SCARA3: variants seen among roughly 807,000 people sequenced by gnomAD.
SCARA3 encodes the protein cellular stress response gene protein.
Under a neutral mutation model 47.0 loss-of-function variants are expected in SCARA3, and 39 were observed. The ratio of observed to expected loss-of-function variants is 0.83; its 90% confidence interval spans 0.64 to 1.08. The LOEUF is 1.08. SCARA3 is among the 50% of genes least tolerant of loss of function. The pLI, the probability that SCARA3 is intolerant of heterozygous loss-of-function variation, is 0.00. For missense variants in SCARA3, 724 were observed against 792.3 expected (o/e 0.91, Z 1.04); for synonymous variants, 356 against 334.1 (o/e 1.07, Z -0.71).
chr8:27,665,059 C>A (rs505295), intron 5 of SCARA3, among the ~76,000 whole-genome samples: 54,704 of 152,036 alleles, frequency 0.36, 10,685 homozygotes, highest in Middle Eastern at 0.52. Flanking sequence ...GCTGGCAATG[C>A]GGTCTCCACG....
At chr8:27,701,829 C>A in the SCARA3 span, 1 of 154,316 alleles carries the variant, frequency 6.5e-6, no homozygotes, top group African/African-American at 2.4e-5. Flanking sequence ...GGGTGACCAA[C>A]CAACCAAGTA....
chr8:27,663,984 G>A (rs565848672), intron 5 of SCARA3, among the ~76,000 whole-genome samples: 1 of 152,320 alleles, frequency 6.6e-6, no homozygotes, highest in South Asian at 2.1e-4. Flanking sequence ...AAGGCATTGT[G>A]CCTTCTTTTG....
At chr8:27,676,442 C>A (rs1212399707), downstream of SCARA3, 7 of 935,348 alleles carry the variant, frequency 7.5e-6, no homozygotes, top group African/African-American at 3.3e-5. Flanking sequence ...CTCAGCCAGG[C>A]CCCCGACTTC....
chr8:27,666,729 T>C (rs1802022426), intron 5 of SCARA3, among the ~76,000 whole-genome samples: 1 of 152,116 alleles, frequency 6.6e-6, no homozygotes, highest in Non-Finnish European at 1.5e-5. Context: ...GACCATAAGA[T>C]GTACCATGGG....
At chr8:27,660,058 T>C (rs1235062069) in intron 5 of SCARA3, among the ~76,000 whole-genome samples, 4 of 152,034 alleles carry the variant, frequency 2.6e-5, no homozygotes, top group South Asian at 2.1e-4. Context: ...TCCTCTTTTT[T>C]ACTCCCTTCC....
At chr8:27,700,872 G>A in the SCARA3 span, among the ~76,000 whole-genome samples, 3 of 152,136 alleles carry the variant, frequency 2.0e-5, no homozygotes, top group Admixed American at 1.3e-4. Flanking sequence ...GAAAAGTTAG[G>A]TGATTTCCTA....
chr8:27,653,842 G>A (rs1044992357), intron 3 of SCARA3, among the ~76,000 whole-genome samples: 5 of 152,122 alleles, frequency 3.3e-5, no homozygotes, highest in Non-Finnish European at 4.4e-5. Context: ...ATCTAGAGCT[G>A]ATTATGGCCA....
At chr8:27,711,552 A>G in the SCARA3 span, among the ~76,000 whole-genome samples, 1 of 152,184 alleles carries the variant, frequency 6.6e-6, no homozygotes, top group African/African-American at 2.4e-5. Flanking sequence ...AATTCTTTTA[A>G]GAACCCTAAT....
chr8:27,720,049 G>C, the SCARA3 span, among the ~76,000 whole-genome samples: 1 of 151,982 alleles, frequency 6.6e-6, no homozygotes, highest in Non-Finnish European at 1.5e-5. Flanking sequence ...GGACAAACAG[G>C]AAACGGCCAG....
downstream of SCARA3, among the ~76,000 whole-genome samples, chr8:27,678,425 A>G (rs1300619849): frequency 6.6e-6 from 1 of 150,648 alleles, no homozygotes; most frequent in Non-Finnish European, 1.5e-5. Context: ...GACAACTTAC[A>G]TGAAAGTGGA....
chr8:27,651,026 G>A (rs2582370), intron 2 of SCARA3, among the ~76,000 whole-genome samples: 45,993 of 152,138 alleles, frequency 0.3, 7,682 homozygotes, highest in South Asian at 0.47. Flanking sequence ...TACCCGGCAG[G>A]CTTTCAGTTT....
At chr8:27,646,906 TCTC>T (rs1231364351) in intron 1 of SCARA3, among the ~76,000 whole-genome samples, 5 of 147,224 alleles carry the variant, frequency 3.4e-5, no homozygotes, top group Non-Finnish European at 7.4e-5. Context: ...AAAACAAACT[TCTC>T]ATGCTTCCTT....
At chr8:27,724,210 CTTTTTTA>C in the SCARA3 span, among the ~76,000 whole-genome samples, 177 of 152,252 alleles carry the variant, frequency 1.2e-3, no homozygotes, top group South Asian at 0.021. Flanking sequence ...AGCCTCATTC[CTTTTTTA>C]TTTTTTATTT....
intron 3 of SCARA3, among the ~76,000 whole-genome samples, chr8:27,652,004 T>C (rs1309289352): frequency 1.3e-5 from 2 of 152,246 alleles, no homozygotes; most frequent in Non-Finnish European, 2.9e-5. Flanking sequence ...TCCTGATGAT[T>C]CTGTTGTTCA....
intron 1 of SCARA3, among the ~76,000 whole-genome samples, chr8:27,635,644 T>C (rs1801234907): frequency 6.6e-6 from 1 of 150,974 alleles, no homozygotes; most frequent in African/African-American, 2.4e-5. Flanking sequence ...TTGATAGATA[T>C]GGGGCCTTAT....
chr8:27,673,960 T>A (rs1490951068), downstream of SCARA3, among the ~76,000 whole-genome samples: 1 of 152,216 alleles, frequency 6.6e-6, no homozygotes, highest in Non-Finnish European at 1.5e-5. Context: ...AGGGGTTTGC[T>A]GCACATCTGG....
intron 1 of SCARA3, among the ~76,000 whole-genome samples, chr8:27,645,800 G>A (rs1209289092): frequency 6.6e-6 from 1 of 152,174 alleles, no homozygotes; most frequent in Non-Finnish European, 1.5e-5. Flanking sequence ...GCTTGGCCTA[G>A]TTCAAGGAGG....
chr8:27,663,700 A>T (rs1801959425), intron 5 of SCARA3, among the ~76,000 whole-genome samples: 1 of 152,148 alleles, frequency 6.6e-6, no homozygotes, highest in Non-Finnish European at 1.5e-5. Context: ...GCTGCTTCAA[A>T]ATCCTAAGGG....
the SCARA3 span, among the ~76,000 whole-genome samples, chr8:27,730,134 C>T: frequency 1.3e-5 from 2 of 152,192 alleles, no homozygotes; most frequent in African/African-American, 4.8e-5. Flanking sequence ...TGAAAGCAAA[C>T]AGCTTTCTTC....
Sources: gnomAD v4.1 joint callset for allele counts (sites outside exome capture counted in the v4.1 genomes callset) on GRCh38, gnomAD v4.1.1 for gene constraint, MANE v1.5 for transcripts, NCBI Gene and HGNC (gene_info 2026-07-23, HGNC 2026-07-21) for gene names.